CACNA1C: variants seen among roughly 807,000 people sequenced by gnomAD.
The protein encoded by CACNA1C is calcium voltage-gated channel subunit alpha1 C.
CACNA1C carries 30 observed loss-of-function variants against 229.0 expected under a neutral mutation model. The ratio of observed to expected loss-of-function variants is 0.13; its 90% confidence interval spans 0.10 to 0.18. The LOEUF (loss-of-function observed/expected upper bound fraction) is 0.18. Ranked by LOEUF, CACNA1C falls within the 10% of genes least tolerant of loss-of-function variation. CACNA1C has a pLI of 1.00. For missense variants in CACNA1C, 1,658 were observed against 2,845.0 expected (o/e 0.58, Z 9.49); for synonymous variants, 1,114 against 1,132.5 (o/e 0.98, Z 0.33).
intron 10 of CACNA1C, among the ~76,000 whole-genome samples, chr12:2,554,074 A>G (rs1307842633): frequency 6.6e-6 from 1 of 152,172 alleles, no homozygotes; most frequent in Non-Finnish European, 1.5e-5. Flanking sequence ...AGCAGGTAGT[A>G]AACATATGGC....
chr12:2,211,842 C>T (rs2097926601), intron 3 of CACNA1C, among the ~76,000 whole-genome samples: 1 of 151,894 alleles, frequency 6.6e-6, no homozygotes, highest in Non-Finnish European at 1.5e-5. Context: ...CCTCAGCCTC[C>T]CGAGTAGCTG....
At position 2,254,212 on chromosome 12, in the gene CACNA1C, G is replaced by C. The variant is rs967862909; in HGVS notation, c.477+133782G>C. Among the ~76,000 whole-genome samples the C allele has an allele frequency of 1.3e-5, 2 of 152,190 alleles. 1 individual carries two copies. The highest frequency in any genetic ancestry group is 1.3e-4 in the Admixed American group (2 of 15,276). On this transcript the variant is annotated intron_variant, in intron 3 of 46. Coordinates refer to ENST00000399655, the MANE Select transcript of CACNA1C (RefSeq NM_000719.7). The stretch of plus-strand genomic sequence containing the variant: ...TGTGCTCACCACTCGAGAGCCCCTA[G>C]GCAGGCACCCTCCCTCCAGTTGTTC...
chr12:2,524,064 G>A lies in CACNA1C; in HGVS notation c.1390+11080G>A, dbSNP rs565758595. The stretch of plus-strand genomic sequence containing the variant: ...CCAGTAATGGAGGGAGATTAGCCAC[G>A]TATTGTATTTCCATCGTCGGGTGCA... On this transcript the variant is annotated intron_variant, in intron 9 of 46. Coordinates refer to ENST00000399655, the MANE Select transcript of CACNA1C (RefSeq NM_000719.7). 4.0e-4 allele frequency among the ~76,000 whole-genome samples: 61 copies of A among 152,338 alleles called. No homozygotes were observed. The Middle Eastern group carries it at 0.017, about 42-fold the overall frequency.
At chr12:2,368,774 T>C (rs1280224013) in intron 3 of CACNA1C, among the ~76,000 whole-genome samples, 1 of 152,162 alleles carries the variant, frequency 6.6e-6, no homozygotes, top group Non-Finnish European at 1.5e-5. Context: ...TTGGGCATTG[T>C]TTGTTGTTTT....
At chr12:2,203,712 G>A (rs1455061927) in intron 3 of CACNA1C, among the ~76,000 whole-genome samples, 4 of 152,152 alleles carry the variant, frequency 2.6e-5, no homozygotes, top group Non-Finnish European at 5.9e-5. Context: ...GCTTCACTCA[G>A]CCAAGAAGCA....
At chr12:2,428,283 C>T (rs2099051887) in intron 3 of CACNA1C, among the ~76,000 whole-genome samples, 1 of 152,180 alleles carries the variant, frequency 6.6e-6, no homozygotes, top group Admixed American at 6.5e-5. Context: ...GGGCACTGTG[C>T]TTGAATGGGC....
At position 2,275,698 on chromosome 12, in the gene CACNA1C, T is replaced by C. The variant is rs2154427932; in HGVS notation, c.477+155268T>C. Among the ~76,000 whole-genome samples the C allele has an allele frequency of 6.6e-6, 1 of 150,824 alleles. No individual in the cohort carries two copies. Among genetic ancestry groups the C allele is most frequent in the Non-Finnish European group, 1.5e-5 (1 of 68,014 alleles). Reference sequence around the variant, plus strand: ...AGATTGGATTTGACCTTTTCGCTTGTGGTCGGGCCAGGTTGAGCAGGAAAC... The same window carrying C: ...AGATTGGATTTGACCTTTTCGCTTGCGGTCGGGCCAGGTTGAGCAGGAAAC... On this transcript the variant is annotated intron_variant, in intron 3 of 46. Coordinates refer to ENST00000399655, the MANE Select transcript of CACNA1C (RefSeq NM_000719.7). The surrounding 1 kb of genome is among the most constrained non-coding windows in gnomAD (Gnocchi z 4.1).
chr12:2,471,294 C>G (rs1300846869), intron 5 of CACNA1C, among the ~76,000 whole-genome samples: 1 of 152,186 alleles, frequency 6.6e-6, no homozygotes, highest in African/African-American at 2.4e-5. Flanking sequence ...TTTACACATA[C>G]TTTATAAGTT....
Position 2,674,650 on chromosome 12 carries a change from C to T in CACNA1C, c.4828+8C>T, listed in dbSNP as rs1350040556. ...TGGTGCCCCCTGCAGGTGGTGAGTG[C>T]TCCCTGGACTCCCGCACCTTGGCCA... On this transcript the variant is annotated splice_region_variant and intron_variant, in intron 39 of 46. Coordinates refer to ENST00000399655, the MANE Select transcript of CACNA1C (RefSeq NM_000719.7). The T allele has an allele frequency of 6.4e-7, 1 of 1,551,350 alleles. No homozygotes were observed. The highest frequency in any genetic ancestry group is 2.4e-5 in the East Asian group (1 of 41,370).
intron 3 of CACNA1C, among the ~76,000 whole-genome samples, chr12:2,156,466 A>G (rs1244680751): frequency 6.6e-6 from 1 of 152,094 alleles, no homozygotes; most frequent in Admixed American, 6.5e-5. Context: ...AGAAGACATC[A>G]CCCACCGGTG....
Position 2,375,888 on chromosome 12 carries a change from G to A in CACNA1C, c.478-73088G>A, listed in dbSNP as rs150675643. ...CGTTGACCACACCACTTGATTGGGA[G>A]CTGTCTTCCTTCCCTGGGATGAAAC... On this transcript the variant is annotated intron_variant, in intron 3 of 46. Coordinates refer to ENST00000399655, the MANE Select transcript of CACNA1C (RefSeq NM_000719.7). Among the ~76,000 whole-genome samples the A allele has an allele frequency of 9.3e-3, 1,417 of 152,352 alleles. 9 individuals carry two copies. The highest frequency in any genetic ancestry group is 0.017 in the Middle Eastern group (5 of 294).
At position 2,388,502 on chromosome 12, in the gene CACNA1C, G is replaced by A. The variant is rs577821211; in HGVS notation, c.478-60474G>A. ...GCAGAATCATGGAACATCATGACTG[G>A]ATTTGATGATGGAGGTGAGGGAAGT... On this transcript the variant is annotated intron_variant, in intron 3 of 46. Transcript: ENST00000399655. Among the ~76,000 whole-genome samples, 5 of 152,368 alleles carry A rather than the reference G, an allele frequency of 3.3e-5. No homozygotes were observed. The East Asian group carries it at 9.6e-4, about 29-fold the overall frequency.
intron 3 of CACNA1C, among the ~76,000 whole-genome samples, chr12:2,175,569 G>A (rs533637300): frequency 6.6e-6 from 1 of 152,170 alleles, no homozygotes; most frequent in South Asian, 2.1e-4. Context: ...GTGGGCTCCG[G>A]GATTGGCAGC....
intron 3 of CACNA1C, among the ~76,000 whole-genome samples, chr12:2,291,585 T>C (rs1010321552): frequency 6.6e-5 from 10 of 152,226 alleles, no homozygotes; most frequent in Non-Finnish European, 1.0e-4. Context: ...TATAGTTTTA[T>C]TGAAACTCGT....
intron 3 of CACNA1C, among the ~76,000 whole-genome samples, chr12:2,385,766 T>C (rs953560125): frequency 4.6e-5 from 7 of 152,172 alleles, no homozygotes; most frequent in African/African-American, 1.2e-4. Flanking sequence ...TACAAATAGG[T>C]GGTTTTCACC....
At chr12:2,618,753 A>C (rs1457801106) in intron 29 of CACNA1C, among the ~76,000 whole-genome samples, 1 of 152,248 alleles carries the variant, frequency 6.6e-6, no homozygotes, top group Non-Finnish European at 1.5e-5. Context: ...GTCAAGGACC[A>C]GGAGAAGGAA....
At position 2,291,500 on chromosome 12, in the gene CACNA1C, T is replaced by C. The variant is rs145364222; in HGVS notation, c.478-157476T>C. Among the ~76,000 whole-genome samples, 480 of 152,374 alleles carry C rather than the reference T, an allele frequency of 3.2e-3. 2 individuals carry two copies. Among genetic ancestry groups the C allele is most frequent in the African/African-American group, 0.011 (458 of 41,596 alleles). ...ACTAGTAGTTTTGCAACTGTTTTAA[T>C]TACTTCAAATTGAGATGTTTGTAAA... On this transcript the variant is annotated intron_variant, in intron 3 of 46. Coordinates refer to ENST00000399655, the MANE Select transcript of CACNA1C (RefSeq NM_000719.7).
At chr12:2,046,640 CTAGTCATGT>C (rs1236979163) in intron 1 of CACNA1C, among the ~76,000 whole-genome samples, 1 of 152,168 alleles carries the variant, frequency 6.6e-6, no homozygotes, top group African/African-American at 2.4e-5. Flanking sequence ...AATCACAAGG[CTAGTCATGT>C]TAGTCATGTT....
chr12:2,688,510 A>G lies in CACNA1C; in HGVS notation c.5848A>G (p.Arg1950Gly). The G allele has an allele frequency of 1.2e-6, 2 of 1,613,846 alleles. No homozygotes were observed. The highest frequency in any genetic ancestry group is 1.7e-6 in the Non-Finnish European group (2 of 1,179,848). The change falls in exon 46 of 47, where the codon AGG becomes GGG. Residue 1950 changes from arginine (R) to glycine (G), a missense_variant. By Grantham distance (125) the Arg-to-Gly change is moderately radical (BLOSUM62 -2). This residue lies in a region of CACNA1C where 590 missense variants were observed against 700.8 expected (regional missense o/e 0.84). Coordinates refer to ENST00000399655, the MANE Select transcript of CACNA1C (RefSeq NM_000719.7). ...AAGCCATTCCCCTGCCTCATTCCCT[A>G]GGCCTTTTGCCACCCCACCAGCCAC... ...QRSHSPASFPRPFATPPATPG... is the reference protein window; with the variant it reads ...QRSHSPASFPGPFATPPATPG...
Sources: allele counts gnomAD v4.1 joint callset (sites outside exome capture counted in the v4.1 genomes callset), GRCh38; gene constraint gnomAD v4.1.1; regional missense constraint gnomAD v4.1.1; non-coding constraint Gnocchi (gnomAD v3.1); transcripts MANE v1.5; gene names NCBI Gene and HGNC (gene_info 2026-07-23, HGNC 2026-07-21).